SOX13: variants seen among roughly 807,000 people sequenced by gnomAD.
SOX13 encodes SRY-box transcription factor 13, also known as transcription factor SOX-13.
In SOX13, 28 loss-of-function variants were observed where a neutral mutation model predicts 71.8. The observed-to-expected ratio is 0.39, with a 90% CI of 0.29 to 0.53. SOX13 has a LOEUF of 0.53. Ranked by LOEUF, SOX13 falls within the 20% of genes least tolerant of loss-of-function variation. The probability of loss-of-function intolerance (pLI) is 0.70; values close to 1 mark genes in which losing one functional copy is unlikely to be tolerated. For synonymous variants in SOX13, 309 were observed against 317.8 expected (o/e 0.97, Z 0.29); for missense variants, 627 against 810.3 (o/e 0.77, Z 2.75).
At chr1:204,124,917 G>GT in intron 13 of SOX13, 60 bp downstream of exon 13, 1 of 1,269,486 alleles carries the variant, frequency 7.9e-7, no homozygotes, top group East Asian at 2.5e-5. Flanking sequence ...GCTCTCATGA[G>GT]TGGCTGGGTG....
intron 1 of SOX13, among the ~76,000 whole-genome samples, chr1:204,105,960 T>G (rs1656461939): frequency 6.6e-6 from 1 of 152,138 alleles, no homozygotes; most frequent in African/African-American, 2.4e-5. Flanking sequence ...TTCTTTGGCT[T>G]CTGGGCATTT....
intron 7 of SOX13, among the ~76,000 whole-genome samples, chr1:204,120,502 A>G (rs372018943): frequency 2.6e-5 from 4 of 152,228 alleles, no homozygotes; most frequent in African/African-American, 7.2e-5. Context: ...CAAGCCTTAC[A>G]TGGTGCTCTG....
intron 1 of SOX13, among the ~76,000 whole-genome samples, chr1:204,094,627 G>T (rs1290306897): frequency 1.3e-5 from 2 of 152,152 alleles, no homozygotes; most frequent in Admixed American, 1.3e-4. Context: ...AGATGCCGGT[G>T]GCTTTTTCAG....
chr1:204,104,447 G>T (rs761642602), intron 1 of SOX13, among the ~76,000 whole-genome samples: 2 of 152,232 alleles, frequency 1.3e-5, no homozygotes, highest in Non-Finnish European at 2.9e-5. Context: ...GGGTGGCAGG[G>T]TGTGGTCTGT....
chr1:204,087,354 G>T (rs1479087999), intron 1 of SOX13, among the ~76,000 whole-genome samples: 1 of 152,208 alleles, frequency 6.6e-6, no homozygotes, highest in African/African-American at 2.4e-5. Flanking sequence ...CTTCCCAGGG[G>T]CACCAGCTGG....
rs750605040 is a variant in SOX13, at chr1:204,122,338, C to T, written c.963C>T (p.Arg321=). The change falls in exon 9 of 14, where the codon CGC becomes CGT. Residue 321 remains arginine, a synonymous_variant. Coordinates refer to ENST00000367204, the MANE Select transcript of SOX13 (RefSeq NM_005686.3). ...PSLKMSSCVP[R]PPSHGGPTRD... The stretch of plus-strand genomic sequence containing the variant: ...TGAAGATGAGCAGCTGTGTGCCCCG[C>T]CCCCCCAGCCATGGAGGCCCCACGC... 1.9e-6 allele frequency: 3 copies of T among 1,555,522 alleles called. No homozygotes were observed. Among genetic ancestry groups the T allele is most frequent in the East Asian group, 2.4e-5 (1 of 42,000 alleles).
At chr1:204,098,956 A>G (rs887914667) in intron 1 of SOX13, among the ~76,000 whole-genome samples, 1 of 152,192 alleles carries the variant, frequency 6.6e-6, no homozygotes, top group Non-Finnish European at 1.5e-5. Flanking sequence ...CTGTGAAACC[A>G]GGGGTTTTCC....
At chr1:204,094,696 C>A (rs1482372606) in intron 1 of SOX13, among the ~76,000 whole-genome samples, 1 of 152,214 alleles carries the variant, frequency 6.6e-6, no homozygotes, top group African/African-American at 2.4e-5. Context: ...TCTTCCTGCA[C>A]TCTTAATCAC....
At chr1:204,103,080 TTCCCTGAACATATATTCTGTAC>T (rs1234782868) in intron 1 of SOX13, among the ~76,000 whole-genome samples, 1 of 152,246 alleles carries the variant, frequency 6.6e-6, no homozygotes, top group Non-Finnish European at 1.5e-5. Context: ...CCTTACCTCC[TTCCCTGAACATATATTCTGTAC>T]CAGATTCTGT....
chr1:204,103,981 G>A (rs1656409116), intron 1 of SOX13, among the ~76,000 whole-genome samples: 1 of 152,250 alleles, frequency 6.6e-6, no homozygotes, highest in African/African-American at 2.4e-5. Flanking sequence ...GTTGGGAGAA[G>A]ACTCAGGTGC....
chr1:204,117,838 T>C (rs1656726112), intron 7 of SOX13, 131 bp downstream of exon 7: 1 of 626,438 alleles, frequency 1.6e-6, no homozygotes, highest in African/African-American at 1.8e-5. Flanking sequence ...ATCTGTCTGG[T>C]AGAAGAATCA....
At chr1:204,117,762 GA>G in intron 7 of SOX13, 55 bp downstream of exon 7, 1 of 1,206,714 alleles carries the variant, frequency 8.3e-7, no homozygotes. Context: ...TGAGGTCAGG[GA>G]AAGCGCCCTG....
Position 204,073,253 on chromosome 1 carries a change from T to C in SOX13, c.-460T>C, listed in dbSNP as rs1275904758. On this transcript the variant is annotated 5_prime_UTR_variant, in exon 1 of 14. Coordinates refer to ENST00000367204, the MANE Select transcript of SOX13 (RefSeq NM_005686.3). This position sits in a 1 kb window ranked among gnomAD's most constrained non-coding sequence, Gnocchi z 6.8. ...GCCCAGAGCTCAGCGGTCAGCCTCG[T>C]AGGCCCTGACTCGGAATCGAGCCGA... 4 of 152,216 alleles carry C rather than the reference T, an allele frequency of 2.6e-5. No homozygotes were observed. Among genetic ancestry groups the C allele is most frequent in the African/African-American group, 4.8e-5 (2 of 41,408 alleles). The allele number at this position is 152,216 out of a possible 1,614,324, so 9.4% of individuals were successfully genotyped here.
rs746583279 is a variant in SOX13 at position 204,122,840 on chromosome 1, G to T, written c.1025-14G>T. The stretch of plus-strand genomic sequence containing the variant: ...CTCTCGCTTCTCTTCCCTCTCTTCT[G>T]CCCTCTCCCACAGGCTTCCTTGGTG... On this transcript the variant is annotated splice_polypyrimidine_tract_variant and intron_variant, in intron 9 of 13. Transcript: ENST00000367204. The T allele has an allele frequency of 4.0e-6, 6 of 1,506,942 alleles. No individual in the cohort carries two copies. In the Admixed American group the frequency reaches 8.0e-5, roughly 20 times the overall value. 93.3% of individuals were successfully genotyped at this position (1,506,942 alleles called of 1,614,324 possible). A position where few individuals can be genotyped will look rare whatever the true frequency, so the allele number is the denominator to read the frequency against.
rs1362904355 is a variant in SOX13, at chr1:204,122,379, GC to G, written c.1010del (p.Pro337ArgfsTer69). On this transcript the variant is annotated frameshift_variant, in exon 9 of 14. Coordinates refer to ENST00000367204, the MANE Select transcript of SOX13 (RefSeq NM_005686.3). LOFTEE classifies it high-confidence loss of function. ...GGCCCCACGCGGGACCTGCAGTCCA[GC>G]CCCCCGAGCCTGCCTCTGGGTAAGC... ...HGGPTRDLQS[S>X]PPSLPLGFLG... The G allele has an allele frequency of 6.4e-7, 1 of 1,562,156 alleles. No homozygotes were observed. Among genetic ancestry groups the G allele is most frequent in the Non-Finnish European group, 8.7e-7 (1 of 1,153,914 alleles).
intron 1 of SOX13, among the ~76,000 whole-genome samples, chr1:204,083,252 T>G (rs1444593692): frequency 1.3e-5 from 2 of 152,150 alleles, no homozygotes; most frequent in Non-Finnish European, 2.9e-5. Context: ...CTGAGTCCTC[T>G]TGGGCCAATT....
intron 1 of SOX13, among the ~76,000 whole-genome samples, chr1:204,079,153 C>A (rs1655844863): frequency 6.6e-6 from 1 of 151,936 alleles, no homozygotes; most frequent in Admixed American, 6.6e-5. Flanking sequence ...AAAAAATTAG[C>A]CGGGCGTGGA....
chr1:204,098,466 G>A (rs146774325), intron 1 of SOX13, among the ~76,000 whole-genome samples: 2,411 of 150,750 alleles, frequency 0.016, 29 homozygotes, highest in Non-Finnish European at 0.026. Flanking sequence ...GTGACAGAGC[G>A]AGACTCAAAA....
Position 204,124,741 on chromosome 1 carries a change from G to A in SOX13, c.1476G>A (p.Lys492=), listed in dbSNP as rs1656883938. 1.9e-6 allele frequency: 3 copies of A among 1,611,752 alleles called. No homozygotes were observed. The highest frequency in any genetic ancestry group is 1.3e-5 in the African/African-American group (1 of 75,040). Residue 492 remains lysine (K), a synonymous_variant, in exon 13 of 14, where the codon AAG becomes AAA. Coordinates refer to ENST00000367204, the MANE Select transcript of SOX13 (RefSeq NM_005686.3). The part of the protein sequence containing the change: ...RQHLEKYPDY[K]YKPRPKRTCI... ...ACCTGGAGAAGTATCCTGACTACAA[G>A]TACAAGCCGCGGCCCAAGCGCACCT...
Sources: allele counts gnomAD v4.1 joint callset (sites outside exome capture counted in the v4.1 genomes callset), GRCh38; gene constraint gnomAD v4.1.1; non-coding constraint Gnocchi (gnomAD v3.1); transcripts MANE v1.5; gene names NCBI Gene and HGNC (gene_info 2026-07-23, HGNC 2026-07-21).